The following ZFHX4 variants were observed in gnomAD, a reference collection of about 807,000 sequenced individuals.
ZFHX4 encodes zinc finger homeobox 4.
Under a neutral mutation model 267.6 loss-of-function variants are expected in ZFHX4, and 56 were observed. That is an observed-to-expected ratio of 0.21 (90% CI 0.17 to 0.26). The LOEUF (loss-of-function observed/expected upper bound fraction) is 0.26. ZFHX4 is among the 10% of genes least tolerant of loss of function. ZFHX4 has a pLI of 1.00. For missense variants in ZFHX4, 4,332 were observed against 4,420.0 expected (o/e 0.98, Z 0.56); for synonymous variants, 1,778 against 1,665.6 (o/e 1.07, Z -1.64).
At chr8:76,720,764 T>A (rs1808698918) in intron 3 of ZFHX4, among the ~76,000 whole-genome samples, 1 of 152,210 alleles carries the variant, frequency 6.6e-6, no homozygotes, top group African/African-American at 2.4e-5. Flanking sequence ...GTCATGATAA[T>A]ATCCTAAGTT....
At chr8:76,774,271 G>A (rs1314046569) in intron 3 of ZFHX4, among the ~76,000 whole-genome samples, 1 of 152,084 alleles carries the variant, frequency 6.6e-6, no homozygotes, top group South Asian at 2.1e-4. Flanking sequence ...AAAAAAAATT[G>A]AAGTGATATC....
At chr8:76,733,826 T>C (rs1809085566) in intron 3 of ZFHX4, among the ~76,000 whole-genome samples, 1 of 152,114 alleles carries the variant, frequency 6.6e-6, no homozygotes, top group Admixed American at 6.6e-5. Context: ...AGACTGATTT[T>C]CCATTTTTAA....
intron 1 of ZFHX4, among the ~76,000 whole-genome samples, chr8:76,690,241 A>G (rs990410923): frequency 1.3e-4 from 20 of 152,094 alleles, no homozygotes; most frequent in African/African-American, 3.6e-4. Flanking sequence ...ACCAGGGAAA[A>G]TTGACTTTCA....
intron 3 of ZFHX4, among the ~76,000 whole-genome samples, chr8:76,716,169 G>T (rs949585067): frequency 2.0e-5 from 3 of 151,906 alleles, no homozygotes; most frequent in African/African-American, 4.8e-5. Flanking sequence ...TTGCAAGAAG[G>T]CCTCATTTAT....
intron 4 of ZFHX4, among the ~76,000 whole-genome samples, chr8:76,807,500 C>G (rs972318219): frequency 9.9e-5 from 15 of 152,074 alleles, no homozygotes; most frequent in Non-Finnish European, 1.8e-4. Flanking sequence ...GGGATAGCTT[C>G]TTTCTCATAC....
intron 7 of ZFHX4, 61 bp downstream of exon 7, chr8:76,849,189 T>C (rs35135295): frequency 0.1 from 152,470 of 1,484,412 alleles, 15,901 homozygotes; most frequent in African/African-American, 0.55. Context: ...CCTGATAGTT[T>C]TAAAGCCCCA....
At chr8:76,841,384 G>A (rs570131240) in intron 5 of ZFHX4, among the ~76,000 whole-genome samples, 21 of 152,170 alleles carry the variant, frequency 1.4e-4, no homozygotes, top group Non-Finnish European at 2.4e-4. Flanking sequence ...TAAAACATGG[G>A]GGGTGGAGAG....
chr8:76,847,238 CAT>C (rs1303483455), intron 6 of ZFHX4, among the ~76,000 whole-genome samples: 3 of 152,014 alleles, frequency 2.0e-5, no homozygotes, highest in African/African-American at 4.8e-5. Flanking sequence ...GAGAAAGAAA[CAT>C]ATATTTTTTG....
chr8:76,785,609 A>T (rs1332232045), intron 4 of ZFHX4, among the ~76,000 whole-genome samples: 1 of 152,160 alleles, frequency 6.6e-6, no homozygotes, highest in Non-Finnish European at 1.5e-5. Flanking sequence ...GTTTGTGACC[A>T]CTGACAGTTA....
rs1453115693 is a variant in ZFHX4, at chr8:76,707,941, C to G, written c.2986C>G (p.Pro996Ala). The part of the protein sequence containing the change: ...WRLKCIAIGN[P>A]VHLKCNACDY... ...GTTGAAGTGTATTGCCATTGGCAACCCTGTTCACCTAAAATGTAACGCCTG... is the reference window on the plus strand; with the variant it reads ...GTTGAAGTGTATTGCCATTGGCAACGCTGTTCACCTAAAATGTAACGCCTG... The change falls in exon 3 of 11, where the codon CCT becomes GCT. Residue 996 changes from proline to alanine, a missense_variant. This residue lies in a region of ZFHX4 where 1,371 missense variants were observed against 1,423.1 expected (regional missense o/e 0.96). Transcript: ENST00000651372. 2 of 1,613,806 alleles carry G rather than the reference C, an allele frequency of 1.2e-6. No individual in the cohort carries two copies. The highest frequency in any genetic ancestry group is 2.7e-5 in the African/African-American group (2 of 74,894).
intron 4 of ZFHX4, among the ~76,000 whole-genome samples, chr8:76,823,066 AC>A (rs1214899590): frequency 6.7e-6 from 1 of 150,124 alleles, no homozygotes; most frequent in African/African-American, 2.5e-5. Context: ...TGACTCTACT[AC>A]CTTTCTCTAC....
At chr8:76,862,095 C>G (rs941843272) in intron 10 of ZFHX4, among the ~76,000 whole-genome samples, 2 of 152,174 alleles carry the variant, frequency 1.3e-5, no homozygotes, top group Admixed American at 6.5e-5. Flanking sequence ...TTTACAAGTC[C>G]CTTTTCTATC....
chr8:76,849,770 T>TAAA (rs1812462756), intron 8 of ZFHX4, 58 bp downstream of exon 8: 2 of 1,474,294 alleles, frequency 1.4e-6, no homozygotes, highest in Non-Finnish European at 1.9e-6. Flanking sequence ...AATATCAATA[T>TAAA]AAAATCTGTA....
chr8:76,701,984 C>G, intron 1 of ZFHX4, among the ~76,000 whole-genome samples: 1 of 152,078 alleles, frequency 6.6e-6, no homozygotes, highest in Non-Finnish European at 1.5e-5. Flanking sequence ...TTCAGGCCAG[C>G]AAGAGATTAT....
At chr8:76,748,178 G>A (rs1462006472) in intron 3 of ZFHX4, among the ~76,000 whole-genome samples, 1 of 151,930 alleles carries the variant, frequency 6.6e-6, no homozygotes, top group Non-Finnish European at 1.5e-5. Flanking sequence ...TTTTCATATG[G>A]ATGACTCATA....
At position 76,854,038 on chromosome 8, in the gene ZFHX4, G is replaced by A. The variant is rs1255569312; in HGVS notation, c.7117G>A (p.Ala2373Thr). 1.2e-6 allele frequency: 2 copies of A among 1,613,798 alleles called. No homozygotes were observed. The highest frequency in any genetic ancestry group is 2.7e-5 in the African/African-American group (2 of 74,906). The change falls in exon 10 of 11, where the codon GCT becomes ACT. Residue 2373 changes from alanine to threonine, a missense_variant. By Grantham distance (58) the Ala-to-Thr change is moderately conservative. Around this residue, in one of 7 missense-constraint regions of ZFHX4, gnomAD observed 1,648 missense variants for 1,625.0 expected, o/e 1.01. Transcript: ENST00000651372. ...CACAGTGTCTGGCCAAACGGATGCA[G>A]CTAAAAACGCTGCTGCCCCTGCAGC... The part of the protein sequence containing the change: ...HCTVSGQTDA[A>T]KNAAAPAASS...
intron 2 of ZFHX4, among the ~76,000 whole-genome samples, chr8:76,707,099 C>T (rs181850668): frequency 6.6e-6 from 1 of 152,002 alleles, no homozygotes; most frequent in Non-Finnish European, 1.5e-5. Flanking sequence ...TGGCTGTGAT[C>T]CAAGATAATT....
chr8:76,767,767 A>G (rs2131743042), intron 3 of ZFHX4, among the ~76,000 whole-genome samples: 1 of 152,284 alleles, frequency 6.6e-6, no homozygotes, highest in Middle Eastern at 3.4e-3. Flanking sequence ...TAAATATAGT[A>G]TGTTTCCTGT....
intron 3 of ZFHX4, among the ~76,000 whole-genome samples, chr8:76,735,282 T>C (rs1240011773): frequency 2.0e-5 from 3 of 152,060 alleles, no homozygotes; most frequent in African/African-American, 7.2e-5. Context: ...TGAGTTGAGT[T>C]TATTTTGCTT....
Sources: allele counts gnomAD v4.1 joint callset (sites outside exome capture counted in the v4.1 genomes callset), GRCh38; gene constraint gnomAD v4.1.1; regional missense constraint gnomAD v4.1.1; transcripts MANE v1.5; gene names NCBI Gene and HGNC (gene_info 2026-07-23, HGNC 2026-07-21).